TFEC: variants seen among roughly 807,000 people sequenced by gnomAD.
The protein encoded by TFEC is class E basic helix-loop-helix protein 34.
Under a neutral mutation model 41.6 loss-of-function variants are expected in TFEC, and 31 were observed. That is an observed-to-expected ratio of 0.74 (90% CI 0.56 to 1.01). The LOEUF (loss-of-function observed/expected upper bound fraction) is 1.01. Among genes scored for constraint, TFEC ranks in the 50% least tolerant of loss-of-function variants. TFEC has a pLI of 0.00. For missense variants in TFEC, 402 were observed against 404.1 expected, an observed-to-expected ratio of 0.99 and a Z score of 0.04; for synonymous variants, 143 against 140.6, an observed-to-expected ratio of 1.02 and a Z score of -0.12.
intron 1 of TFEC, among the ~76,000 whole-genome samples, chr7:116,015,910 T>G (rs1035293500): frequency 1.3e-5 from 2 of 152,114 alleles, no homozygotes; most frequent in South Asian, 4.1e-4. Context: ...ATGTGCAGAT[T>G]TAGAGACACA....
intron 1 of TFEC, among the ~76,000 whole-genome samples, chr7:116,017,347 G>C (rs1795230425): frequency 1.3e-5 from 2 of 152,048 alleles, no homozygotes; most frequent in South Asian, 4.1e-4. Context: ...TCAGCCTCCT[G>C]AGTAGCTGGG....
At position 116,078,447 on chromosome 7, in the gene TFEC, CAAGAA is replaced by C. The variant is rs1429593810; in HGVS notation, c.198+32256_198+32260del. On this transcript the variant is annotated intron_variant, in intron 3 of 8. Transcript: ENST00000484212. ...TTGATAGACCATTAATGAGATTAAC[CAAGAA>C]AAGAAGAAAGAAGAACCAAATAAGC... Among the ~76,000 whole-genome samples the C allele has an allele frequency of 2.6e-4, 40 of 151,548 alleles. No homozygotes were observed. The East Asian group carries it at 5.2e-3, about 20-fold the overall frequency.
chr7:116,005,780 G>C (rs995446965), intron 1 of TFEC, among the ~76,000 whole-genome samples: 1 of 152,188 alleles, frequency 6.6e-6, no homozygotes, highest in Non-Finnish European at 1.5e-5. Context: ...CAGAGACCTT[G>C]GAAGCAGCCT....
intron 3 of TFEC, among the ~76,000 whole-genome samples, chr7:116,100,241 T>G (rs2115949599): frequency 6.6e-6 from 1 of 152,320 alleles, no homozygotes; most frequent in South Asian, 2.1e-4. Flanking sequence ...ATCATCTATT[T>G]GAAAATAGTC....
chr7:116,068,947 A>G (rs1197609174), intron 3 of TFEC, among the ~76,000 whole-genome samples: 1 of 151,778 alleles, frequency 6.6e-6, no homozygotes, highest in Non-Finnish European at 1.5e-5. Context: ...ACTTGATGAA[A>G]TAATAGAAAT....
At chr7:116,060,678 AG>A (rs1796533390) in intron 3 of TFEC, among the ~76,000 whole-genome samples, 1 of 152,134 alleles carries the variant, frequency 6.6e-6, no homozygotes. Flanking sequence ...TATAACACAA[AG>A]AAGGAAAGAA....
At chr7:116,007,900 C>T (rs1003106360) in intron 1 of TFEC, among the ~76,000 whole-genome samples, 4 of 152,132 alleles carry the variant, frequency 2.6e-5, no homozygotes, top group African/African-American at 7.2e-5. Context: ...AGAAAGCATA[C>T]AATAATGGTA....
At chr7:115,953,942 C>A (rs551234835) in intron 5 of TFEC, among the ~76,000 whole-genome samples, 3 of 152,064 alleles carry the variant, frequency 2.0e-5, no homozygotes, top group Non-Finnish European at 4.4e-5. Context: ...GCTTCCAGAA[C>A]GAAAAGGCTT....
At position 115,940,751 on chromosome 7, in the gene TFEC, A is replaced by G; in HGVS notation, c.844T>C (p.Phe282Leu). Residue 282 changes from phenylalanine to leucine, a missense_variant, in exon 8 of 8, where the codon TTT (phenylalanine) becomes CTT (leucine). Coordinates refer to ENST00000265440, the MANE Select transcript of TFEC (RefSeq NM_012252.4). Reference protein sequence around the residue: ...SPELCDQAIAFSDPLSYFTDL... With the variant: ...SPELCDQAIALSDPLSYFTDL... ...GTGAAGTATGACAAAGGATCAGAAA[A>G]GGCTATAGCTTGATCACAGAGCTCA... 3.1e-6 allele frequency: 5 copies of G among 1,613,494 alleles called. No homozygotes were observed. Among genetic ancestry groups the G allele is most frequent in the Non-Finnish European group, 4.2e-6 (5 of 1,179,628 alleles).
At chr7:115,950,330 A>G (rs1477351353) in intron 6 of TFEC, among the ~76,000 whole-genome samples, 1 of 152,112 alleles carries the variant, frequency 6.6e-6, no homozygotes, top group Non-Finnish European at 1.5e-5. Flanking sequence ...TTTTAAGTTA[A>G]CACTTTATTT....
chr7:116,028,764 T>C (rs923089517), intron 1 of TFEC, among the ~76,000 whole-genome samples: 1 of 152,236 alleles, frequency 6.6e-6, no homozygotes, highest in African/African-American at 2.4e-5. Context: ...TTTTCCACTA[T>C]TATGGAAAAT....
chr7:116,012,554 C>G (rs1211085505), intron 1 of TFEC, among the ~76,000 whole-genome samples: 1 of 151,958 alleles, frequency 6.6e-6, no homozygotes, highest in East Asian at 1.9e-4. Context: ...AATCTACATG[C>G]TGTAAAATAG....
intron 3 of TFEC, among the ~76,000 whole-genome samples, chr7:115,967,357 G>C (rs978089334): frequency 6.6e-6 from 1 of 151,600 alleles, no homozygotes; most frequent in Non-Finnish European, 1.5e-5. Context: ...TAAAAGATTA[G>C]ATAGAATAAT....
Position 116,094,723 on chromosome 7 carries a change from A to C in TFEC, c.198+15985T>G, listed in dbSNP as rs1797411147. On this transcript the variant is annotated intron_variant, in intron 3 of 8. Transcript: ENST00000484212. ...TAAAAACAAACAAACAAAAAACAAC[A>C]ACAAAAAAAACAGAGTACATTGAGA... Among the ~76,000 whole-genome samples, 3 of 152,166 alleles carry C rather than the reference A, an allele frequency of 2.0e-5. No individual in the cohort carries two copies. The South Asian group carries it at 6.2e-4, about 32-fold the overall frequency.
chr7:116,030,835 A>G, upstream of TFEC: 1 of 985,376 alleles, frequency 1.0e-6, no homozygotes, highest in Non-Finnish European at 1.2e-6. Flanking sequence ...GCATTTCCTG[A>G]ACCCTGGTTG....
intron 1 of TFEC, among the ~76,000 whole-genome samples, chr7:116,151,516 T>C (rs1257183115): frequency 1.3e-5 from 2 of 152,160 alleles, no homozygotes. Context: ...GTGTTGAAAT[T>C]ACAGGCATGA....
intron 1 of TFEC, among the ~76,000 whole-genome samples, chr7:116,126,564 G>A (rs1346734703): frequency 3.3e-5 from 5 of 151,986 alleles, no homozygotes; most frequent in African/African-American, 1.2e-4. Flanking sequence ...AGAAATTTTA[G>A]TGAAAAAAGA....
intron 3 of TFEC, 142 bp from the exon 4 acceptor site, chr7:115,956,935 A>G: frequency 2.1e-6 from 1 of 466,654 alleles, no homozygotes; most frequent in Non-Finnish European, 3.5e-6. Context: ...GCTTTTAAAC[A>G]AGACGAGTAT....
intron 3 of TFEC, among the ~76,000 whole-genome samples, chr7:116,064,898 C>T (rs1008437758): frequency 2.0e-5 from 3 of 152,136 alleles, no homozygotes; most frequent in Non-Finnish European, 2.9e-5. Flanking sequence ...GAGAGATTCG[C>T]TGTTAGATTC....
Sources: allele counts gnomAD v4.1 joint callset (sites outside exome capture counted in the v4.1 genomes callset), GRCh38; gene constraint gnomAD v4.1.1; transcripts MANE v1.5; gene names NCBI Gene and HGNC (gene_info 2026-07-23, HGNC 2026-07-21).